RNGTT: variants seen among roughly 807,000 people sequenced by gnomAD.
The protein encoded by RNGTT is RNA guanylyltransferase and 5'-phosphatase.
Under a neutral mutation model 79.3 loss-of-function variants are expected in RNGTT, and 33 were observed. The ratio of observed to expected loss-of-function variants is 0.42; its 90% confidence interval spans 0.32 to 0.56. The LOEUF is 0.56. RNGTT is among the 20% of genes least tolerant of loss of function. The probability of loss-of-function intolerance (pLI) is 0.17; values close to 1 mark genes in which losing one functional copy is unlikely to be tolerated. For missense variants in RNGTT, 497 were observed against 739.1 expected (o/e 0.67, Z 3.80); for synonymous variants, 222 against 235.9 (o/e 0.94, Z 0.54).
chr6:88,726,162 A>G (rs1776897022), intron 13 of RNGTT, among the ~76,000 whole-genome samples: 1 of 152,296 alleles, frequency 6.6e-6, no homozygotes. Context: ...TAACACTCCA[A>G]TACCACCTTG....
Position 88,963,494 on chromosome 6 carries a change from G to C in RNGTT, c.-85C>G. 1.5e-6 allele frequency: 2 copies of C among 1,337,100 alleles called. No individual in the cohort carries two copies. The highest frequency in any genetic ancestry group is 2.0e-6 in the Non-Finnish European group (2 of 998,234). The allele number at this position is 1,337,100 out of a possible 1,614,324, so 82.8% of individuals were successfully genotyped here. On this transcript the variant is annotated 5_prime_UTR_variant, in exon 1 of 16. Coordinates refer to ENST00000369485, the MANE Select transcript of RNGTT (RefSeq NM_003800.5). ...CCTCCCCGTGGTCCGGTGCACACCG[G>C]GGTCCGAGACACCCGAATCGCAGCC...
At chr6:88,896,438 G>A (rs1246133589) in intron 6 of RNGTT, among the ~76,000 whole-genome samples, 1 of 152,146 alleles carries the variant, frequency 6.6e-6, no homozygotes, top group Non-Finnish European at 1.5e-5. Context: ...ATTATAACAG[G>A]TTACCTTAGA....
At chr6:88,890,708 G>A (rs879229374) in intron 7 of RNGTT, 112 bp from the exon 8 acceptor site, 2 of 572,262 alleles carry the variant, frequency 3.5e-6, no homozygotes, top group South Asian at 6.1e-5. Flanking sequence ...TCCCTATGAT[G>A]AGATTAATGT....
intron 8 of RNGTT, among the ~76,000 whole-genome samples, chr6:88,858,924 T>G (rs1781921376): frequency 6.6e-6 from 1 of 151,858 alleles, no homozygotes. Context: ...AATACTCAAG[T>G]GTAAAGAGAA....
intron 10 of RNGTT, among the ~76,000 whole-genome samples, chr6:88,846,314 T>C (rs1421343337): frequency 6.6e-6 from 1 of 152,242 alleles, no homozygotes; most frequent in Admixed American, 6.5e-5. Flanking sequence ...TATATTCATA[T>C]CATTACTATA....
chr6:88,722,021 T>C (rs759740614), intron 13 of RNGTT, among the ~76,000 whole-genome samples: 15 of 151,818 alleles, frequency 9.9e-5, no homozygotes, highest in Admixed American at 7.2e-4. Context: ...GCACAAAGGT[T>C]GGCATACACA....
At chr6:88,681,884 T>C (rs1363868133) in intron 13 of RNGTT, among the ~76,000 whole-genome samples, 1 of 152,160 alleles carries the variant, frequency 6.6e-6, no homozygotes, top group Non-Finnish European at 1.5e-5. Context: ...AGAGGATGTT[T>C]TGGAAAGTAG....
intron 8 of RNGTT, among the ~76,000 whole-genome samples, chr6:88,861,908 A>T (rs1782025208): frequency 6.6e-6 from 1 of 152,136 alleles, no homozygotes; most frequent in Non-Finnish European, 1.5e-5. Flanking sequence ...CATTTTTCAT[A>T]GTATATATAC....
intron 8 of RNGTT, among the ~76,000 whole-genome samples, chr6:88,882,984 G>C (rs1283901294): frequency 6.6e-6 from 1 of 152,030 alleles, no homozygotes; most frequent in Admixed American, 6.6e-5. Context: ...AAGATACTAA[G>C]TATGATTAAA....
intron 13 of RNGTT, among the ~76,000 whole-genome samples, chr6:88,702,654 A>T (rs1195326315): frequency 6.6e-6 from 1 of 152,228 alleles, no homozygotes; most frequent in Non-Finnish European, 1.5e-5. Context: ...GCCTTGGGAA[A>T]GAATTTATGA....
intron 14 of RNGTT, among the ~76,000 whole-genome samples, chr6:88,625,951 T>C (rs77892803): frequency 0.019 from 2,892 of 152,082 alleles, 87 homozygotes; most frequent in African/African-American, 0.064. Context: ...GATTATTGAT[T>C]TGTCAATCCA....
chr6:88,897,997 A>T (rs113054811), intron 6 of RNGTT, among the ~76,000 whole-genome samples: 1,954 of 150,566 alleles, frequency 0.013, 18 homozygotes, highest in Non-Finnish European at 0.019. Context: ...CTACACATTA[A>T]CTCCCCCCAG....
chr6:88,647,701 T>TAAAAAAAAAAAAAAAA lies in RNGTT; in HGVS notation c.1506+30636_1506+30651dup, dbSNP rs746472579. Among the ~76,000 whole-genome samples, 78 of 100,810 alleles carry TAAAAAAAAAAAAAAAA rather than the reference T, an allele frequency of 7.7e-4. 2 individuals are homozygous for TAAAAAAAAAAAAAAAA. Among genetic ancestry groups the TAAAAAAAAAAAAAAAA allele is most frequent in the Middle Eastern group, 4.9e-3 (1 of 206 alleles). 66.1% of individuals were successfully genotyped at this position (100,810 alleles called of 152,430 possible). On this transcript the variant is annotated intron_variant, in intron 14 of 15. Transcript: ENST00000369485. ...CTGGGTGACAGAACCGACACCCTGT[T>TAAAAAAAAAAAAAAAA]AAAAAAAAAAAAAAAAGAAGAAGAA...
intron 4 of RNGTT, among the ~76,000 whole-genome samples, chr6:88,913,536 T>C (rs1337111170): frequency 6.6e-6 from 1 of 152,186 alleles, no homozygotes; most frequent in African/African-American, 2.4e-5. Flanking sequence ...TGTTCCTGGG[T>C]TGCAATGTTG....
chr6:88,945,236 C>T (rs1180338851), intron 1 of RNGTT, among the ~76,000 whole-genome samples: 1 of 152,202 alleles, frequency 6.6e-6, no homozygotes, highest in Non-Finnish European at 1.5e-5. Context: ...GCCATCTACA[C>T]ATATTCCTCA....
chr6:88,817,916 C>CG (rs1191939883), intron 11 of RNGTT, among the ~76,000 whole-genome samples: 2 of 151,872 alleles, frequency 1.3e-5, no homozygotes, highest in Non-Finnish European at 2.9e-5. Context: ...CCCGCCAACA[C>CG]GCCCAGCTAA....
In RNGTT at chr6:88,891,865, T is replaced by C; in HGVS notation, c.735A>G (p.Thr245=). 1 of 1,605,190 alleles carries C rather than the reference T, an allele frequency of 6.2e-7. No individual in the cohort carries two copies. Among genetic ancestry groups the C allele is most frequent in the East Asian group, 2.3e-5 (1 of 44,430 alleles). Residue 245 remains threonine (T), a synonymous_variant, in exon 7 of 16, where the codon ACA becomes ACG. Transcript: ENST00000369485. ...GTACCTCTCCTAACTTTGGTTGTGT[T>C]GTTACTTGAGTTACACCTTTAACAG... ...GVTVKGVTQV[T]TQPKLGEVQQ...
At chr6:88,886,234 G>A (rs1447579925) in intron 8 of RNGTT, among the ~76,000 whole-genome samples, 3 of 152,078 alleles carry the variant, frequency 2.0e-5, no homozygotes, top group African/African-American at 7.2e-5. Context: ...TGAACCCAGC[G>A]GGCGGAGCCT....
At chr6:88,694,249 A>G (rs558440872) in intron 13 of RNGTT, among the ~76,000 whole-genome samples, 1 of 152,280 alleles carries the variant, frequency 6.6e-6, no homozygotes, top group South Asian at 2.1e-4. Flanking sequence ...CTAATAAACA[A>G]ATACAGTCAA....
Sources: allele counts gnomAD v4.1 joint callset (sites outside exome capture counted in the v4.1 genomes callset), GRCh38; gene constraint gnomAD v4.1.1; transcripts MANE v1.5; gene names NCBI Gene and HGNC (gene_info 2026-07-23, HGNC 2026-07-21).